The following RBMS3 variants were observed in gnomAD, a reference collection of about 807,000 sequenced individuals.
RBMS3 encodes the protein RNA binding motif single stranded interacting protein 3, also known as RNA-binding motif, single-stranded-interacting protein 3.
Under a neutral mutation model 66.8 loss-of-function variants are expected in RBMS3, and 27 were observed. The ratio of observed to expected loss-of-function variants is 0.40; its 90% CI spans 0.30 to 0.56. The LOEUF is 0.56. Ranked by LOEUF, RBMS3 falls within the 20% of genes least tolerant of loss-of-function variation. RBMS3 has a pLI of 0.40. For synonymous variants in RBMS3, 188 were observed against 183.0 expected, an observed-to-expected ratio of 1.03 and a Z score of -0.22; for missense variants, 513 against 549.5, an observed-to-expected ratio of 0.93 and a Z score of 0.66.
intron 3 of RBMS3, among the ~76,000 whole-genome samples, chr3:29,540,676 C>A (rs1404203421): frequency 6.6e-6 from 1 of 152,146 alleles, no homozygotes; most frequent in Non-Finnish European, 1.5e-5. Flanking sequence ...GGTTAGGTAA[C>A]TTGTATCACT....
intron 6 of RBMS3, among the ~76,000 whole-genome samples, chr3:29,780,714 A>G (rs1024532190): frequency 2.6e-5 from 4 of 152,264 alleles, no homozygotes; most frequent in African/African-American, 9.6e-5. Flanking sequence ...ATACATGCTT[A>G]TACCACTTAC....
intron 1 of RBMS3, among the ~76,000 whole-genome samples, chr3:29,292,947 G>C (rs149696690): frequency 5.0e-4 from 76 of 151,956 alleles, no homozygotes; most frequent in African/African-American, 1.7e-3. Flanking sequence ...ATTTGATGTG[G>C]AGGGGTCCTG....
At chr3:29,480,724 T>C (rs967055861) in intron 2 of RBMS3, among the ~76,000 whole-genome samples, 1 of 152,108 alleles carries the variant, frequency 6.6e-6, no homozygotes, top group Non-Finnish European at 1.5e-5. Context: ...AGTCTGGCAG[T>C]AAATGAAAAG....
At chr3:29,575,798 C>T (rs1008436595) in intron 3 of RBMS3, among the ~76,000 whole-genome samples, 6 of 151,938 alleles carry the variant, frequency 3.9e-5, no homozygotes, top group African/African-American at 1.4e-4. Flanking sequence ...CTGATGCATT[C>T]TTCAGTATGT....
chr3:29,906,024 T>G lies in RBMS3; in HGVS notation c.939+6269T>G, dbSNP rs946265273. 2.6e-5 allele frequency among the ~76,000 whole-genome samples: 4 copies of G among 152,234 alleles called. No homozygotes were observed. The South Asian group carries it at 6.2e-4, about 24-fold the overall frequency. On this transcript the variant is annotated intron_variant, in intron 10 of 14. Transcript: ENST00000383767. ...AATTATATATTGACTTATGGGAAAT[T>G]TAAGAATATGACATATTTACAACAT...
At chr3:29,602,197 T>C (rs2048169794) in intron 4 of RBMS3, among the ~76,000 whole-genome samples, 1 of 152,038 alleles carries the variant, frequency 6.6e-6, no homozygotes, top group Non-Finnish European at 1.5e-5. Flanking sequence ...CACATTTTCC[T>C]TCACTTGAAC....
chr3:29,996,182 T>C (rs1699226003), intron 14 of RBMS3, among the ~76,000 whole-genome samples: 1 of 149,448 alleles, frequency 6.7e-6, no homozygotes, highest in African/African-American at 2.4e-5. Context: ...GGCCATTACA[T>C]AATGGTAAAG....
At chr3:29,660,844 G>A (rs2050516712) in intron 4 of RBMS3, among the ~76,000 whole-genome samples, 1 of 152,170 alleles carries the variant, frequency 6.6e-6, no homozygotes. Flanking sequence ...AAAAATGAAG[G>A]GAATAGGGAT....
At chr3:29,391,122 CA>C in intron 1 of RBMS3, 12 of 198,304 alleles carry the variant, frequency 6.1e-5, no homozygotes, top group Non-Finnish European at 8.3e-5. Flanking sequence ...GCAGAAACCC[CA>C]AAAAAATGGT....
intron 12 of RBMS3, among the ~76,000 whole-genome samples, chr3:29,983,667 C>T (rs1698163013): frequency 6.6e-6 from 1 of 151,966 alleles, no homozygotes; most frequent in Admixed American, 6.6e-5. Context: ...TTCTCCTTTG[C>T]TTATGAAGCT....
At chr3:29,493,060 A>G (rs749185863) in intron 3 of RBMS3, among the ~76,000 whole-genome samples, 6 of 152,208 alleles carry the variant, frequency 3.9e-5, no homozygotes, top group African/African-American at 1.4e-4. Context: ...TTATGTATCT[A>G]CGTACAACTT....
chr3:29,637,183 C>T (rs557255722), intron 4 of RBMS3, among the ~76,000 whole-genome samples: 2 of 151,816 alleles, frequency 1.3e-5, no homozygotes, highest in African/African-American at 2.4e-5. Flanking sequence ...TGATCCAAAG[C>T]GATGCCAGAT....
At chr3:29,708,026 C>T (rs936139249) in intron 4 of RBMS3, among the ~76,000 whole-genome samples, 1 of 152,170 alleles carries the variant, frequency 6.6e-6, no homozygotes, top group Non-Finnish European at 1.5e-5. Flanking sequence ...CGTAGGCCTG[C>T]CGAGGGCTGA....
At chr3:29,775,247 T>C (rs541291734) in intron 6 of RBMS3, among the ~76,000 whole-genome samples, 3 of 132,076 alleles carry the variant, frequency 2.3e-5, no homozygotes, top group South Asian at 4.9e-4. Flanking sequence ...TTTTTTTTTA[T>C]TTTTTTATTT....
chr3:29,829,457 C>G lies in RBMS3; in HGVS notation c.638-39401C>G, dbSNP rs559158150. Reference sequence around the variant, plus strand: ...AAAAATAGATATATTTTCCATCTCTCTGGTGGCATTTCTTCTCTTCCTCTC... The same window carrying G: ...AAAAATAGATATATTTTCCATCTCTGTGGTGGCATTTCTTCTCTTCCTCTC... On this transcript the variant is annotated intron_variant, in intron 6 of 14. Transcript: ENST00000383767. 4.8e-4 allele frequency among the ~76,000 whole-genome samples: 73 copies of G among 152,288 alleles called. No homozygotes were observed. The South Asian group carries it at 6.0e-3, about 13-fold the overall frequency.
chr3:29,580,493 G>A (rs2047286029), intron 3 of RBMS3, among the ~76,000 whole-genome samples: 1 of 151,958 alleles, frequency 6.6e-6, no homozygotes, highest in Admixed American at 6.6e-5. Flanking sequence ...TATAAAATTA[G>A]TTCAATAATA....
At chr3:29,857,543 A>T (rs1577008896) in intron 6 of RBMS3, among the ~76,000 whole-genome samples, 3 of 128,992 alleles carry the variant, frequency 2.3e-5, no homozygotes, top group Admixed American at 8.1e-5. Flanking sequence ...AAATGTGGGG[A>T]CTCTATGCTT....
intron 4 of RBMS3, among the ~76,000 whole-genome samples, chr3:29,587,665 C>G (rs1177043059): frequency 1.3e-5 from 2 of 151,794 alleles, no homozygotes; most frequent in Admixed American, 1.3e-4. Flanking sequence ...AGTGTGTGTT[C>G]TCTTAGCTGG....
intron 6 of RBMS3, among the ~76,000 whole-genome samples, chr3:29,767,972 A>G (rs2056007395): frequency 6.6e-6 from 1 of 151,954 alleles, no homozygotes; most frequent in Non-Finnish European, 1.5e-5. Context: ...TAGTTGGGCA[A>G]AAAATATGTC....
Sources: gnomAD v4.1 joint callset for allele counts (sites outside exome capture counted in the v4.1 genomes callset) on GRCh38, gnomAD v4.1.1 for gene constraint, MANE v1.5 for transcripts, NCBI Gene and HGNC (gene_info 2026-07-23, HGNC 2026-07-21) for gene names.